The following DMD variants were observed in gnomAD, a reference collection of about 807,000 sequenced individuals.
The protein encoded by DMD is mutant dystrophin.
A neutral mutation model predicts 330.1 loss-of-function variants in DMD; 63 were observed. The observed-to-expected ratio is 0.19, with a 90% CI of 0.16 to 0.24. The LOEUF (loss-of-function observed/expected upper bound fraction) is 0.24, where lower values mean the gene tolerates loss of function less well. Among genes scored for constraint, DMD ranks in the 10% least tolerant of loss-of-function variants. The pLI is 1.00. For synonymous variants in DMD, 1,223 were observed against 959.8 expected, an observed-to-expected ratio of 1.27 and a Z score of -5.07; for missense variants, 3,344 against 2,684.1, an observed-to-expected ratio of 1.25 and a Z score of -5.43.
intron 60 of DMD, among the ~76,000 whole-genome samples, chrX:31,421,976 CATATATATATGTATAT>C (rs1569540468): frequency 2.9e-5 from 2 of 67,878 alleles, no homozygotes; most frequent in African/African-American, 1.9e-4. Context: ...TATATATACA[CATATATATATGTATAT>C]ATACACACAC....
chrX:33,303,189 T>G (rs1234601585), intron 1 of DMD, among the ~76,000 whole-genome samples: 1 of 111,722 alleles, frequency 9.0e-6, no homozygotes, highest in East Asian at 2.8e-4. Flanking sequence ...TGCTTCCAAA[T>G]TTTGGCAATG....
chrX:32,996,753 G>T (rs1286724378), intron 2 of DMD, among the ~76,000 whole-genome samples: 2 of 109,543 alleles, frequency 1.8e-5, no homozygotes, highest in East Asian at 2.9e-4. Flanking sequence ...GGAGGTGAAG[G>T]TTGCAGTGAG....
chrX:31,487,038 C>A (rs1028382878), intron 57 of DMD, among the ~76,000 whole-genome samples: 7 of 111,087 alleles, frequency 6.3e-5, no homozygotes, highest in African/African-American at 2.0e-4. Context: ...AATATTGCCC[C>A]CAGTAATCTA....
At chrX:31,321,931 G>A (rs72625573) in intron 62 of DMD, among the ~76,000 whole-genome samples, 1,358 of 111,333 alleles carry the variant, frequency 0.012, 10 homozygotes, top group East Asian at 0.096. Context: ...AATGTACTGG[G>A]ATCTCTTGTA....
intron 18 of DMD, among the ~76,000 whole-genome samples, chrX:32,513,042 G>A (rs915794137): frequency 2.7e-5 from 3 of 112,217 alleles, no homozygotes; most frequent in Admixed American, 9.4e-5. Context: ...GTCATTAGGC[G>A]TGGTTTGGAC....
At chrX:32,533,148 T>A (rs1431636181) in intron 17 of DMD, among the ~76,000 whole-genome samples, 1 of 111,323 alleles carries the variant, frequency 9.0e-6, no homozygotes, top group Non-Finnish European at 1.9e-5. Context: ...AGATGGCCTC[T>A]CTCTCCCAAC....
intron 13 of DMD, among the ~76,000 whole-genome samples, chrX:32,591,314 A>G (rs1485190176): frequency 8.9e-6 from 1 of 112,023 alleles, no homozygotes; most frequent in Non-Finnish European, 1.9e-5. Flanking sequence ...GTTGGCTCTC[A>G]ACTTTTAACT....
chrX:33,290,574 C>T (rs1279383311), intron 1 of DMD, among the ~76,000 whole-genome samples: 2 of 111,353 alleles, frequency 1.8e-5, no homozygotes, highest in East Asian at 2.8e-4. Flanking sequence ...CTCAAATATA[C>T]TTGCTTCTTT....
chrX:32,269,449 CCTGCT>C (rs2097357354), intron 43 of DMD, among the ~76,000 whole-genome samples: 1 of 111,979 alleles, frequency 8.9e-6, no homozygotes. Context: ...AACTTTCATT[CCTGCT>C]CTAACACTTG....
chrX:33,006,572 C>G (rs1242847649), intron 2 of DMD, among the ~76,000 whole-genome samples: 1 of 111,443 alleles, frequency 9.0e-6, no homozygotes, highest in Non-Finnish European at 1.9e-5. Flanking sequence ...ACCTTGCACT[C>G]TATCAGATCA....
intron 1 of DMD, among the ~76,000 whole-genome samples, chrX:33,104,127 A>G (rs1043094898): frequency 5.4e-5 from 6 of 111,175 alleles, no homozygotes; most frequent in African/African-American, 2.0e-4. Flanking sequence ...TACATAACAG[A>G]CTCCTTTCAC....
At chrX:32,839,356 G>C (rs1218826068) in intron 4 of DMD, among the ~76,000 whole-genome samples, 1 of 111,342 alleles carries the variant, frequency 9.0e-6, no homozygotes, top group Non-Finnish European at 1.9e-5. Flanking sequence ...TGAACCAAAA[G>C]GTCTTCTCAG....
chrX:32,813,882 GATT>G (rs1389272590), intron 6 of DMD, among the ~76,000 whole-genome samples: 5 of 111,783 alleles, frequency 4.5e-5, no homozygotes, highest in African/African-American at 6.5e-5. Context: ...ACTATAAAAT[GATT>G]ATAAGTAATA....
At chrX:31,343,694 A>G (rs1277109554) in intron 61 of DMD, among the ~76,000 whole-genome samples, 3 of 109,154 alleles carry the variant, frequency 2.7e-5, no homozygotes, top group Non-Finnish European at 3.8e-5. Flanking sequence ...AGAGACAGTA[A>G]GCATGTTTAC....
At chrX:32,772,546 G>A (rs774613269) in intron 7 of DMD, among the ~76,000 whole-genome samples, 13 of 112,053 alleles carry the variant, frequency 1.2e-4, no homozygotes, top group African/African-American at 3.9e-4. Context: ...AAGTTTTTAA[G>A]GTCACACATC....
At chrX:32,099,964 G>A (rs1423015066) in intron 44 of DMD, among the ~76,000 whole-genome samples, 1 of 109,258 alleles carries the variant, frequency 9.2e-6, no homozygotes, top group Non-Finnish European at 1.9e-5. Context: ...AACTAATCTG[G>A]CTCACAGACA....
At chrX:32,318,966 GA>G (rs2097596355) in intron 41 of DMD, among the ~76,000 whole-genome samples, 1 of 110,660 alleles carries the variant, frequency 9.0e-6, no homozygotes, top group Non-Finnish European at 1.9e-5. Flanking sequence ...TGTGGATTCT[GA>G]CTTTCTACAC....
rs35898743 is a variant in DMD, at chrX:31,605,476, T to TA, written c.8217+22196dup. ...GAAAATGTGTATCTGCATCAATTGT[T>TA]AAAAAAAACCTTTTTTTTGGATAAA... On this transcript the variant is annotated intron_variant, in intron 55 of 78. Coordinates refer to ENST00000357033, the MANE Select transcript of DMD (RefSeq NM_004006.3). Among the ~76,000 whole-genome samples the TA allele has an allele frequency of 2.1e-3, 239 of 111,571 alleles. 1 individual carries two copies. The highest frequency in any genetic ancestry group is 0.014 in the Middle Eastern group (3 of 219).
At chrX:32,747,668 T>C (rs1042332338) in intron 7 of DMD, among the ~76,000 whole-genome samples, 3 of 110,630 alleles carry the variant, frequency 2.7e-5, no homozygotes, top group African/African-American at 9.9e-5. Flanking sequence ...TTTTTTTAAG[T>C]ATTTTTTGCT....
Sources: gnomAD v4.1 joint callset for allele counts (sites outside exome capture counted in the v4.1 genomes callset) on GRCh38, gnomAD v4.1.1 for gene constraint, MANE v1.5 for transcripts, NCBI Gene and HGNC (gene_info 2026-07-23, HGNC 2026-07-21) for gene names.